Variants in IMMP2L observed in about 807,000 individuals in gnomAD.
The protein encoded by IMMP2L is mitochondrial inner membrane protease subunit 2.
Under a neutral mutation model 19.3 loss-of-function variants are expected in IMMP2L, and 18 were observed. The ratio of observed to expected loss-of-function variants is 0.93; its 90% CI spans 0.64 to 1.38. IMMP2L has a LOEUF of 1.38. Among genes scored for constraint, IMMP2L ranks in the 40% most tolerant of loss-of-function variants. IMMP2L has a pLI of 0.00. For synonymous variants in IMMP2L, 76 were observed against 73.0 expected (o/e 1.04, Z -0.21); for missense variants, 233 against 218.2 (o/e 1.07, Z -0.43).
chr7:110,911,753 A>G (rs549695806), intron 4 of IMMP2L, among the ~76,000 whole-genome samples: 1 of 152,122 alleles, frequency 6.6e-6, no homozygotes, highest in Non-Finnish European at 1.5e-5. Flanking sequence ...AGCTTTACCC[A>G]TATTTATCAA....
intron 5 of IMMP2L, among the ~76,000 whole-genome samples, chr7:110,825,934 G>C (rs1017216674): frequency 6.6e-6 from 1 of 151,916 alleles, no homozygotes; most frequent in Admixed American, 6.6e-5. Flanking sequence ...TCGCAATCTG[G>C]TCATCTGACA....
intron 3 of IMMP2L, among the ~76,000 whole-genome samples, chr7:111,464,046 T>C (rs763380049): frequency 6.6e-6 from 1 of 152,168 alleles, no homozygotes; most frequent in Non-Finnish European, 1.5e-5. Context: ...TAGAAGGATA[T>C]GGCAGAGGTC....
intron 3 of IMMP2L, among the ~76,000 whole-genome samples, chr7:111,199,198 GAATA>G (rs1179148416): frequency 2.0e-5 from 3 of 151,838 alleles, no homozygotes; most frequent in South Asian, 2.1e-4. Flanking sequence ...CCTCATTTCC[GAATA>G]AATAAATACA....
intron 3 of IMMP2L, among the ~76,000 whole-genome samples, chr7:111,289,214 T>C (rs1358177898): frequency 1.3e-5 from 2 of 150,514 alleles, no homozygotes; most frequent in African/African-American, 4.9e-5. Context: ...TGGGAGCTGA[T>C]CAATGAGAAC....
At chr7:110,833,533 TG>T (rs1161742690) in intron 5 of IMMP2L, among the ~76,000 whole-genome samples, 1 of 151,968 alleles carries the variant, frequency 6.6e-6, no homozygotes, top group East Asian at 1.9e-4. Flanking sequence ...TTAGACCATC[TG>T]GGGGGATGGC....
At chr7:110,712,285 T>A (rs1794926979) in intron 5 of IMMP2L, among the ~76,000 whole-genome samples, 1 of 74,026 alleles carries the variant, frequency 1.4e-5, no homozygotes, top group Non-Finnish European at 2.8e-5. Flanking sequence ...GGTGTCAGTG[T>A]GCCCCTGCTG....
chr7:111,270,004 A>G (rs1204509195), intron 3 of IMMP2L, among the ~76,000 whole-genome samples: 2 of 151,760 alleles, frequency 1.3e-5, no homozygotes, highest in Non-Finnish European at 1.5e-5. Flanking sequence ...ATATTAACCT[A>G]TACAAACCCT....
chr7:111,125,667 C>A (rs74565396), intron 3 of IMMP2L, among the ~76,000 whole-genome samples: 35 of 151,946 alleles, frequency 2.3e-4, no homozygotes, highest in African/African-American at 8.2e-4. Flanking sequence ...GACAGAAACT[C>A]TAGGAAATTA....
intron 5 of IMMP2L, among the ~76,000 whole-genome samples, chr7:110,844,469 A>C (rs889857445): frequency 2.6e-5 from 4 of 152,052 alleles, no homozygotes; most frequent in Non-Finnish European, 5.9e-5. Context: ...AAAAAAGTTT[A>C]GCAGTTTTGC....
chr7:111,078,232 T>G (rs549554232), intron 3 of IMMP2L, among the ~76,000 whole-genome samples: 24 of 152,306 alleles, frequency 1.6e-4, no homozygotes, highest in Non-Finnish European at 2.8e-4. Flanking sequence ...ATATATTTCC[T>G]GAAGGAATGA....
At chr7:111,306,150 A>G (rs1395757372) in intron 3 of IMMP2L, among the ~76,000 whole-genome samples, 1 of 152,140 alleles carries the variant, frequency 6.6e-6, no homozygotes, top group East Asian at 1.9e-4. Flanking sequence ...GTACATATAT[A>G]CAATTTTAAT....
At chr7:111,124,957 C>T (rs111690273) in intron 3 of IMMP2L, 32 of 1,167,982 alleles carry the variant, frequency 2.7e-5, no homozygotes, top group African/African-American at 2.0e-4. Flanking sequence ...CGAAAGACTG[C>T]AGTTGTGCTA....
chr7:110,758,969 G>T lies in IMMP2L; in HGVS notation c.409-95248C>A, dbSNP rs1399138943. Among the ~76,000 whole-genome samples the T allele has an allele frequency of 2.0e-5, 3 of 151,720 alleles. No individual in the cohort carries two copies. The South Asian group carries it at 6.2e-4, about 32-fold the overall frequency. The stretch of plus-strand genomic sequence containing the variant: ...GAGATCTTTTCACAGTCTGTTACCC[G>T]ATTTTGTTAACCTTAAATTTCCTCC... On this transcript the variant is annotated intron_variant, in intron 5 of 5. Transcript: ENST00000405709. The surrounding 1 kb of genome is among the most constrained non-coding windows in gnomAD (Gnocchi z 4.6).
At chr7:111,308,790 A>C (rs967772759) in intron 3 of IMMP2L, among the ~76,000 whole-genome samples, 1 of 152,096 alleles carries the variant, frequency 6.6e-6, no homozygotes, top group Non-Finnish European at 1.5e-5. Flanking sequence ...ATTCATGAGA[A>C]TATCCTCCAG....
At chr7:110,985,332 G>C (rs888395513) in intron 3 of IMMP2L, among the ~76,000 whole-genome samples, 6 of 152,120 alleles carry the variant, frequency 3.9e-5, no homozygotes, top group African/African-American at 1.4e-4. Context: ...ATTGTTTTCT[G>C]TAACTTGCTT....
chr7:111,053,283 G>T (rs1482235189), intron 3 of IMMP2L, among the ~76,000 whole-genome samples: 2 of 152,160 alleles, frequency 1.3e-5, no homozygotes, highest in South Asian at 4.1e-4. Flanking sequence ...CTTCCCTTGG[G>T]GTGGGCTGTC....
intron 3 of IMMP2L, among the ~76,000 whole-genome samples, chr7:111,039,292 T>G (rs1248295648): frequency 6.6e-6 from 1 of 152,206 alleles, no homozygotes; most frequent in Non-Finnish European, 1.5e-5. Flanking sequence ...AAATGACAAC[T>G]GGCGTAAAAA....
chr7:110,703,518 C>T (rs1794435409), intron 5 of IMMP2L, among the ~76,000 whole-genome samples: 1 of 152,026 alleles, frequency 6.6e-6, no homozygotes, highest in African/African-American at 2.4e-5. Flanking sequence ...GAGATAATTC[C>T]TTTTACTCAG....
At chr7:111,500,218 A>G (rs993253893) in intron 2 of IMMP2L, among the ~76,000 whole-genome samples, 11 of 152,166 alleles carry the variant, frequency 7.2e-5, no homozygotes, top group Admixed American at 1.3e-4. Flanking sequence ...CTAGCACAGC[A>G]GTCTGAGATC....
Sources: gnomAD v4.1 joint callset for allele counts (sites outside exome capture counted in the v4.1 genomes callset) on GRCh38, gnomAD v4.1.1 for gene constraint, Gnocchi (gnomAD v3.1) non-coding constraint, MANE v1.5 for transcripts, NCBI Gene and HGNC (gene_info 2026-07-23, HGNC 2026-07-21) for gene names.